The following DNAJC11 variants were observed in gnomAD, a reference collection of about 807,000 sequenced individuals.
DNAJC11 encodes DnaJ heat shock protein family (Hsp40) member C11.
In DNAJC11, 15 loss-of-function variants were observed where a neutral mutation model predicts 78.6. The ratio of observed to expected loss-of-function variants is 0.19; its 90% CI spans 0.13 to 0.29. The LOEUF is 0.29. Among genes scored for constraint, DNAJC11 ranks in the 10% least tolerant of loss-of-function variants. The pLI is 1.00. For missense variants in DNAJC11, 547 were observed against 709.6 expected (o/e 0.77, Z 2.60); for synonymous variants, 292 against 272.1 (o/e 1.07, Z -0.72).
chr1:6,660,636 T>C (rs1165320579), intron 4 of DNAJC11, among the ~76,000 whole-genome samples: 1 of 152,238 alleles, frequency 6.6e-6, no homozygotes. Context: ...CAACCATTTT[T>C]ACCCACCTCC....
Position 6,653,637 on chromosome 1 carries a change from T to A in DNAJC11, c.507+274A>T, listed in dbSNP as rs540534069. 2.0e-5 allele frequency among the ~76,000 whole-genome samples: 3 copies of A among 152,292 alleles called. No individual in the cohort carries two copies. In the South Asian group the frequency reaches 6.2e-4, roughly 32 times the overall value. ...TCCCAGAACCCCATGACCTTGGGCC[T>A]CTACTTCTCCCAGACCATTAACACC... On this transcript the variant is annotated intron_variant, in intron 5 of 15. Transcript: ENST00000377577. This position sits in a 1 kb window ranked among gnomAD's most constrained non-coding sequence, Gnocchi z 4.5.
At chr1:6,694,692 G>A (rs914562602) in intron 1 of DNAJC11, among the ~76,000 whole-genome samples, 15 of 151,800 alleles carry the variant, frequency 9.9e-5, no homozygotes, top group East Asian at 3.9e-4. Flanking sequence ...TTGGCTGGGC[G>A]CGGTGGCTCA....
chr1:6,649,827 C>T (rs964733624), intron 7 of DNAJC11, among the ~76,000 whole-genome samples: 1 of 151,974 alleles, frequency 6.6e-6, no homozygotes, highest in Non-Finnish European at 1.5e-5. Flanking sequence ...CCCACCTCAG[C>T]CTCCCAAGTA....
intron 7 of DNAJC11, among the ~76,000 whole-genome samples, chr1:6,647,549 G>T (rs781656528): frequency 2.2e-4 from 34 of 152,234 alleles, no homozygotes; most frequent in Non-Finnish European, 4.4e-4. Flanking sequence ...GCCGGGCGCG[G>T]TGGCTCACGC....
rs1641752552 is a variant in DNAJC11, at chr1:6,635,715, A to G, written c.1655-15T>C. 2 of 1,614,052 alleles carry G rather than the reference A, an allele frequency of 1.2e-6. No homozygotes were observed. Among genetic ancestry groups the G allele is most frequent in the African/African-American group, 1.3e-5 (1 of 74,930 alleles). On this transcript the variant is annotated splice_polypyrimidine_tract_variant and intron_variant, in intron 15 of 15. Coordinates refer to ENST00000377577, the MANE Select transcript of DNAJC11 (RefSeq NM_018198.4). ...GATCCTGTGGGCTGTAAAGGAAAAGACAGACGCAGGTGATCAGAAGGTGGC... is the reference window on the plus strand; with the variant it reads ...GATCCTGTGGGCTGTAAAGGAAAAGGCAGACGCAGGTGATCAGAAGGTGGC...
chr1:6,637,883 G>C, intron 12 of DNAJC11: 1 of 415,130 alleles, frequency 2.4e-6, no homozygotes, highest in Non-Finnish European at 4.4e-6. Flanking sequence ...CTCCTCTTGA[G>C]AAAGGACCTG....
At chr1:6,675,688 G>A (rs1642450646) in intron 3 of DNAJC11, among the ~76,000 whole-genome samples, 1 of 152,182 alleles carries the variant, frequency 6.6e-6, no homozygotes, top group South Asian at 2.1e-4. Context: ...CTTTGAAACT[G>A]CTGGAATTAC....
intron 12 of DNAJC11, 78 bp from the exon 13 acceptor site, chr1:6,637,582 A>C: frequency 6.6e-7 from 1 of 1,518,592 alleles, no homozygotes; most frequent in Admixed American, 1.7e-5. Flanking sequence ...ACAGGCAGGC[A>C]GTCTTGTCCA....
At chr1:6,667,199 A>G (rs964390658) in intron 4 of DNAJC11, among the ~76,000 whole-genome samples, 1 of 152,176 alleles carries the variant, frequency 6.6e-6, no homozygotes, top group Non-Finnish European at 1.5e-5. Flanking sequence ...CCCTGGGGTG[A>G]TGTGAGCAGG....
At chr1:6,701,279 G>A (rs1434389446) in intron 1 of DNAJC11, among the ~76,000 whole-genome samples, 2 of 152,172 alleles carry the variant, frequency 1.3e-5, no homozygotes, top group Non-Finnish European at 2.9e-5. Flanking sequence ...CCCTAAGGAC[G>A]TTCCCTAGTG....
At chr1:6,659,840 G>A (rs889383259) in intron 4 of DNAJC11, among the ~76,000 whole-genome samples, 2 of 151,870 alleles carry the variant, frequency 1.3e-5, no homozygotes, top group South Asian at 4.1e-4. Context: ...GGCAGATCAC[G>A]AGGTCAGGAG....
intron 6 of DNAJC11, among the ~76,000 whole-genome samples, chr1:6,652,226 C>T (rs1304554989): frequency 1.3e-5 from 2 of 152,182 alleles, no homozygotes; most frequent in Non-Finnish European, 2.9e-5. Context: ...GGCCACCAAT[C>T]AGTGAACCAT....
intron 3 of DNAJC11, among the ~76,000 whole-genome samples, chr1:6,674,288 C>T (rs913105436): frequency 3.3e-5 from 5 of 151,960 alleles, no homozygotes; most frequent in African/African-American, 7.3e-5. Context: ...GGGCTGGGCA[C>T]GGTGGCTCAC....
At chr1:6,651,219 C>T (rs776446424) in intron 7 of DNAJC11, 36 of 598,638 alleles carry the variant, frequency 6.0e-5, no homozygotes, top group African/African-American at 5.1e-4. Context: ...GTAAGTGTTT[C>T]GGTCCACTGA....
intron 10 of DNAJC11, among the ~76,000 whole-genome samples, chr1:6,641,614 C>T (rs940722450): frequency 6.6e-6 from 1 of 151,858 alleles, no homozygotes; most frequent in Non-Finnish European, 1.5e-5. Context: ...TCACTACCAC[C>T]TTGAGCTCCT....
chr1:6,685,043 TG>T (rs1208089616), intron 1 of DNAJC11, among the ~76,000 whole-genome samples: 6 of 152,134 alleles, frequency 3.9e-5, no homozygotes, highest in Non-Finnish European at 7.4e-5. Flanking sequence ...TATCCCAAGG[TG>T]GGAGGATCGC....
At chr1:6,657,714 G>A (rs1419460666) in intron 4 of DNAJC11, among the ~76,000 whole-genome samples, 3 of 152,128 alleles carry the variant, frequency 2.0e-5, no homozygotes, top group African/African-American at 4.8e-5. Context: ...GCACGATCTC[G>A]GCTCGCTGCA....
chr1:6,701,395 C>G (rs920839852), intron 1 of DNAJC11, among the ~76,000 whole-genome samples: 3 of 152,196 alleles, frequency 2.0e-5, no homozygotes, highest in African/African-American at 4.8e-5. Flanking sequence ...GAGACGGGGT[C>G]TCGGAGGACT....
chr1:6,663,124 C>G (rs149857), intron 4 of DNAJC11, among the ~76,000 whole-genome samples: 78,607 of 151,962 alleles, frequency 0.52, 20,786 homozygotes, highest in Admixed American at 0.61. Context: ...ACAAACCATG[C>G]TGATGATGGA....
Sources: allele counts gnomAD v4.1 joint callset (sites outside exome capture counted in the v4.1 genomes callset), GRCh38; gene constraint gnomAD v4.1.1; non-coding constraint Gnocchi (gnomAD v3.1); transcripts MANE v1.5; gene names NCBI Gene and HGNC (gene_info 2026-07-23, HGNC 2026-07-21).